Variants in SNRNP200 observed in about 807,000 individuals in gnomAD.
SNRNP200 encodes the protein small nuclear ribonucleoprotein U5 subunit 200.
SNRNP200 carries 66 observed loss-of-function variants against 255.2 expected under a neutral mutation model. That is an observed-to-expected ratio of 0.26 (90% CI 0.21 to 0.32). The LOEUF is 0.32. Among genes scored for constraint, SNRNP200 ranks in the 10% least tolerant of loss-of-function variants. The probability of loss-of-function intolerance (pLI) is 1.00; values close to 1 mark genes in which losing one functional copy is unlikely to be tolerated. For missense variants in SNRNP200, 1,585 were observed against 2,749.8 expected, an observed-to-expected ratio of 0.58 and a Z score of 9.47; for synonymous variants, 939 against 1,027.8, an observed-to-expected ratio of 0.91 and a Z score of 1.65.
At chr2:96,302,464 T>C (rs924521818) in intron 3 of SNRNP200, among the ~76,000 whole-genome samples, 7 of 152,224 alleles carry the variant, frequency 4.6e-5, no homozygotes, top group Non-Finnish European at 7.3e-5. Flanking sequence ...TTTTTTTCTA[T>C]ACTCTCACAA....
chr2:96,283,917 G>T lies in SNRNP200; in HGVS notation c.4480C>A (p.Leu1494Ile). 1 of 1,598,342 alleles carries T rather than the reference G, an allele frequency of 6.3e-7. No individual in the cohort carries two copies. The highest frequency in any genetic ancestry group is 1.1e-5 in the South Asian group (1 of 88,770). Residue 1494 changes from leucine (L) to isoleucine (I), a missense_variant, in exon 32 of 45, where the codon CTC becomes ATC. Physicochemically the swap from Leu to Ile is conservative, Grantham distance 5. Coordinates refer to ENST00000323853, the MANE Select transcript of SNRNP200 (RefSeq NM_014014.5). The surrounding 1 kb of genome is among the most constrained non-coding windows in gnomAD (Gnocchi z 4.7). ...PIRIVALSSS[L>I]SNAKDVAHWL... ...TGGGCCACATCCTTGGCATTGGAGA[G>T]CGAAGAGCTGAGTGCCACAATGCGA...
In SNRNP200 at chr2:96,287,628, C is replaced by T; in HGVS notation, c.3366-71G>A. 8.5e-7 allele frequency: 1 copy of T among 1,173,244 alleles called. No individual in the cohort carries two copies. Among genetic ancestry groups the T allele is most frequent in the Non-Finnish European group, 1.3e-6 (1 of 778,202 alleles). The allele number at this position is 1,173,244 out of a possible 1,614,324, so 72.7% of individuals were successfully genotyped here. ...TGACAAACCACCCACTTCATGGCTT[C>T]CAATAGTTTAGCAGTGACTACACAA... is the stretch of plus-strand genomic sequence containing the variant. On this transcript the variant is annotated intron_variant, in intron 25 of 44. Coordinates refer to ENST00000323853, the MANE Select transcript of SNRNP200 (RefSeq NM_014014.5). This position sits in a 1 kb window ranked among gnomAD's most constrained non-coding sequence, Gnocchi z 5.7.
In SNRNP200 at chr2:96,281,892, C is replaced by T. The variant is rs1362471784; in HGVS notation, c.4946G>A (p.Ser1649Asn). The T allele has an allele frequency of 6.2e-7, 1 of 1,614,098 alleles. No homozygotes were observed. The highest frequency in any genetic ancestry group is 8.5e-7 in the Non-Finnish European group (1 of 1,180,008). Residue 1649 changes from serine to asparagine, a missense_variant, in exon 35 of 45, where the codon AGT becomes AAT. By Grantham distance (46) the Ser-to-Asn change is conservative. Transcript: ENST00000323853. ...AGCCACGTTCATGCCCCAGCAGAGACTCCGAGAAGCCACCACCACCTGGAT... is the reference window on the plus strand; with the variant it reads ...AGCCACGTTCATGCCCCAGCAGAGATTCCGAGAAGCCACCACCACCTGGAT... ...GAIQVVVASR[S>N]LCWGMNVAAH... is the part of the protein sequence containing the mutation.
Position 96,274,628 on chromosome 2 carries a change from C to T in SNRNP200, c.*384G>A, listed in dbSNP as rs1303147236. On this transcript the variant is annotated 3_prime_UTR_variant, in exon 45 of 45. Transcript: ENST00000323853. ...AGCAGGTCTGTCCTCCAGACATACT[C>T]ATTAACAAGCACGTTCCTGGCTAAA... The T allele has an allele frequency of 2.9e-6, 1 of 348,056 alleles. No homozygotes were observed. Among genetic ancestry groups the T allele is most frequent in the East Asian group, 7.6e-5 (1 of 13,138 alleles). 21.6% of individuals were successfully genotyped at this position (348,056 alleles called of 1,614,324 possible). A position where few individuals can be genotyped will look rare whatever the true frequency, so the allele number is the denominator to read the frequency against.
intron 3 of SNRNP200, 24 bp from the exon 4 acceptor site, chr2:96,301,740 A>C: frequency 6.2e-7 from 1 of 1,613,874 alleles, no homozygotes; most frequent in South Asian, 1.1e-5. Flanking sequence ...ACAACCAACC[A>C]ATATTGAGAA....
intron 3 of SNRNP200, among the ~76,000 whole-genome samples, chr2:96,302,796 T>C (rs896723825): frequency 6.6e-6 from 1 of 152,186 alleles, no homozygotes; most frequent in African/African-American, 2.4e-5. Context: ...ATAAGGCATA[T>C]TACAAAAGAT....
Position 96,305,460 on chromosome 2 carries a change from C to G in SNRNP200, c.-23G>C. On this transcript the variant is annotated 5_prime_UTR_variant, in exon 1 of 45. Transcript: ENST00000323853. ...CATGGCCGCGGCTGCTCGGAGGCTT[C>G]AGACCACCACGCCTCCCTACCGCAA... 1.2e-6 allele frequency: 2 copies of G among 1,613,816 alleles called. No homozygotes were observed. Among genetic ancestry groups the G allele is most frequent in the Non-Finnish European group, 1.7e-6 (2 of 1,180,032 alleles).
At chr2:96,288,774 G>A (rs185789658) in intron 23 of SNRNP200, 28 bp from the exon 24 acceptor site, 21 of 1,584,826 alleles carry the variant, frequency 1.3e-5, no homozygotes, top group Non-Finnish European at 1.6e-5. Context: ...CAGCCAGCAG[G>A]AGACCAATCA....
chr2:96,275,774 G>A (rs922922846), intron 43 of SNRNP200, among the ~76,000 whole-genome samples: 5 of 152,208 alleles, frequency 3.3e-5, no homozygotes, highest in Non-Finnish European at 5.9e-5. Flanking sequence ...AGGCCGAGGC[G>A]GGTGGATCAC....
intron 9 of SNRNP200, among the ~76,000 whole-genome samples, chr2:96,298,075 G>T (rs1320192832): frequency 6.6e-6 from 1 of 152,254 alleles, no homozygotes; most frequent in Non-Finnish European, 1.5e-5. Context: ...GGTCCCCACA[G>T]TGCTGGTGAA....
intron 3 of SNRNP200, among the ~76,000 whole-genome samples, chr2:96,302,169 G>A (rs1338678046): frequency 6.6e-6 from 1 of 152,158 alleles, no homozygotes; most frequent in Non-Finnish European, 1.5e-5. Flanking sequence ...TCTGTGACTC[G>A]GGAAAATTAC....
intron 5 of SNRNP200, 118 bp downstream of exon 5, chr2:96,300,880 C>G (rs1321960939): frequency 1.2e-6 from 1 of 849,534 alleles, no homozygotes; most frequent in African/African-American, 1.7e-5. Context: ...GTCTGAAACC[C>G]ATACAACACC....
Position 96,289,994 on chromosome 2 carries a change from A to C in SNRNP200, c.2745T>G (p.Asp915Glu). ...AGGCATAGCCCAGCCAGTTCACCGC[A>C]TCCTACAAGACACAGCTCATGGTTC... ...IVLGNVQNAKDAVNWLGYAYL... is the reference protein window; with the variant it reads ...IVLGNVQNAKEAVNWLGYAYL... The change falls in exon 21 of 45, where the codon GAT becomes GAG. Residue 915 changes from aspartate to glutamate, a missense_variant and splice_region_variant. This residue lies in a region of SNRNP200 where 719 missense variants were observed against 1,091.1 expected (regional missense o/e 0.66). Coordinates refer to ENST00000323853, the MANE Select transcript of SNRNP200 (RefSeq NM_014014.5). 1 of 1,614,138 alleles carries C rather than the reference A, an allele frequency of 6.2e-7. No individual in the cohort carries two copies. The highest frequency in any genetic ancestry group is 8.5e-7 in the Non-Finnish European group (1 of 1,179,996).
At chr2:96,292,566 A>C (rs578053123) in intron 16 of SNRNP200, among the ~76,000 whole-genome samples, 1 of 152,106 alleles carries the variant, frequency 6.6e-6, no homozygotes, top group South Asian at 2.1e-4. Context: ...GTGACCCCAA[A>C]TCTTTTATGG....
intron 16 of SNRNP200, among the ~76,000 whole-genome samples, chr2:96,292,627 T>C (rs2063891219): frequency 6.6e-6 from 1 of 152,208 alleles, no homozygotes; most frequent in African/African-American, 2.4e-5. Flanking sequence ...GGACTGGGGA[T>C]TGCTTGCTGG....
rs2063876555 is a variant in SNRNP200, at chr2:96,290,305, C to T, written c.2742+21G>A. ...GTGTCTGCGGGGAAAGCATGAAGCA[C>T]AACAAGCAGTCCTCCCCTACCTTGG... On this transcript the variant is annotated intron_variant, in intron 20 of 44. Coordinates refer to ENST00000323853, the MANE Select transcript of SNRNP200 (RefSeq NM_014014.5). The surrounding 1 kb of genome is among the most constrained non-coding windows in gnomAD (Gnocchi z 4.5). The T allele has an allele frequency of 1.2e-6, 2 of 1,612,910 alleles. No homozygotes were observed. Among genetic ancestry groups the T allele is most frequent in the Non-Finnish European group, 1.7e-6 (2 of 1,179,686 alleles).
At chr2:96,292,822 G>A in intron 16 of SNRNP200, 150 bp downstream of exon 16, 1 of 858,706 alleles carries the variant, frequency 1.2e-6, no homozygotes, top group Non-Finnish European at 1.8e-6. Context: ...AGTGGCTATA[G>A]GTTCTGTAGT....
chr2:96,299,438 G>T lies in SNRNP200; in HGVS notation c.631-11C>A. The T allele has an allele frequency of 3.1e-6, 5 of 1,605,610 alleles. No homozygotes were observed. Among genetic ancestry groups the T allele is most frequent in the Non-Finnish European group, 4.3e-6 (5 of 1,172,532 alleles). On this transcript the variant is annotated splice_polypyrimidine_tract_variant and intron_variant, in intron 5 of 44. Transcript: ENST00000323853. ...GTCTTCATCACCTTCCTGTGGAAAT[G>T]ACCCCAACTCAACCATGATCTGGAG...
At chr2:96,284,177 A>C (rs1175314482) in intron 31 of SNRNP200, 173 bp from the exon 32 acceptor site, 6 of 848,330 alleles carry the variant, frequency 7.1e-6, no homozygotes, top group Non-Finnish European at 7.7e-6. Flanking sequence ...TCCACTAAAC[A>C]ATACTGTTTT....
Sources: allele counts gnomAD v4.1 joint callset (sites outside exome capture counted in the v4.1 genomes callset), GRCh38; gene constraint gnomAD v4.1.1; regional missense constraint gnomAD v4.1.1; non-coding constraint Gnocchi (gnomAD v3.1); transcripts MANE v1.5; gene names NCBI Gene and HGNC (gene_info 2026-07-23, HGNC 2026-07-21).